ADAMTSL3: variants seen among roughly 807,000 people sequenced by gnomAD.
The protein encoded by ADAMTSL3 is ADAMTS like 3, also known as ADAMTS-like protein 3.
In ADAMTSL3, 128 loss-of-function variants were observed where a neutral mutation model predicts 201.7. That is an observed-to-expected ratio of 0.63 (90% CI 0.55 to 0.73). ADAMTSL3 has a LOEUF of 0.73. Among genes scored for constraint, ADAMTSL3 ranks in the 30% least tolerant of loss-of-function variants. The pLI, the probability that ADAMTSL3 is intolerant of heterozygous loss-of-function variation, is 0.00. For missense variants in ADAMTSL3, 1,990 were observed against 2,119.6 expected, an observed-to-expected ratio of 0.94 and a Z score of 1.20; for synonymous variants, 738 against 748.4, an observed-to-expected ratio of 0.99 and a Z score of 0.23.
intron 9 of ADAMTSL3, among the ~76,000 whole-genome samples, chr15:83,881,879 C>T (rs756206894): frequency 1.1e-3 from 167 of 150,442 alleles, no homozygotes; most frequent in Middle Eastern, 3.5e-3. Context: ...AAAGGCCGGG[C>T]GCGATGGCTC....
intron 4 of ADAMTSL3, among the ~76,000 whole-genome samples, chr15:83,801,631 T>TATATAA (rs1455960444): frequency 9.2e-5 from 3 of 32,756 alleles, no homozygotes; most frequent in South Asian, 2.5e-3. Flanking sequence ...AAATTTTATA[T>TATATAA]ATATAAATAT....
chr15:83,903,893 G>C lies in ADAMTSL3; in HGVS notation c.1700+4162G>C, dbSNP rs145058281. Among the ~76,000 whole-genome samples, 570 of 129,506 alleles carry C rather than the reference G, an allele frequency of 4.4e-3. 39 individuals carry two copies. Among genetic ancestry groups the C allele is most frequent in the African/African-American group, 0.017 (538 of 30,890 alleles). The allele number at this position is 129,506 out of a possible 152,430, so 85.0% of individuals were successfully genotyped here. On this transcript the variant is annotated intron_variant, in intron 15 of 29. Transcript: ENST00000286744. ...AGATCCTGCTACTGCTCTCCAGCCT[G>C]GGTGACAGTGCCAGACTCCACATCA...
At chr15:83,714,714 C>T (rs546005176) in intron 3 of ADAMTSL3, among the ~76,000 whole-genome samples, 43 of 134,658 alleles carry the variant, frequency 3.2e-4, no homozygotes, top group African/African-American at 1.1e-3. Context: ...CCCTCCTTCC[C>T]TCTTTCTTTC....
intron 6 of ADAMTSL3, among the ~76,000 whole-genome samples, chr15:83,822,104 G>C (rs1237287941): frequency 6.8e-6 from 1 of 148,052 alleles, no homozygotes; most frequent in Admixed American, 6.6e-5. Flanking sequence ...CCTCCCGGAC[G>C]GGGCGCCTGG....
chr15:83,674,766 CATAT>C (rs377132060), intron 2 of ADAMTSL3, among the ~76,000 whole-genome samples: 3,089 of 68,286 alleles, frequency 0.045, 729 homozygotes, highest in African/African-American at 0.16. Flanking sequence ...CACATATATA[CATAT>C]ATATATATAT....
intron 3 of ADAMTSL3, among the ~76,000 whole-genome samples, chr15:83,731,295 A>T (rs982913136): frequency 3.3e-5 from 5 of 152,136 alleles, no homozygotes; most frequent in Admixed American, 1.3e-4. Flanking sequence ...GCCAACAGGT[A>T]TATAAAAAGG....
At chr15:83,691,596 C>T (rs1008016800) in intron 2 of ADAMTSL3, among the ~76,000 whole-genome samples, 1 of 152,098 alleles carries the variant, frequency 6.6e-6, no homozygotes, top group African/African-American at 2.4e-5. Flanking sequence ...AACCCAAAAC[C>T]AAGTTACATT....
At chr15:83,830,186 T>A (rs973418160) in intron 6 of ADAMTSL3, among the ~76,000 whole-genome samples, 4 of 152,152 alleles carry the variant, frequency 2.6e-5, no homozygotes, top group Non-Finnish European at 5.9e-5. Context: ...GAGCTGGGCG[T>A]GCCTGTCAAT....
At chr15:83,732,577 A>G (rs1326941318) in intron 3 of ADAMTSL3, among the ~76,000 whole-genome samples, 2 of 152,290 alleles carry the variant, frequency 1.3e-5, no homozygotes, top group East Asian at 1.9e-4. Context: ...TTTGACATTT[A>G]TTAATGAATT....
chr15:83,667,628 A>G (rs2061266942), intron 2 of ADAMTSL3, among the ~76,000 whole-genome samples: 1 of 151,282 alleles, frequency 6.6e-6, no homozygotes, highest in South Asian at 2.1e-4. Context: ...GATTTCTGTA[A>G]GGATGTCCTA....
chr15:83,811,651 A>G (rs921645221), intron 5 of ADAMTSL3, among the ~76,000 whole-genome samples: 7 of 152,132 alleles, frequency 4.6e-5, no homozygotes, highest in Non-Finnish European at 7.3e-5. Context: ...CCTCTGGGAG[A>G]ATGCGGCAGA....
chr15:83,729,445 A>T (rs1489654834), intron 3 of ADAMTSL3, among the ~76,000 whole-genome samples: 2 of 150,524 alleles, frequency 1.3e-5, no homozygotes, highest in Non-Finnish European at 3.0e-5. Flanking sequence ...GTTATTTTTT[A>T]TTTTTTTTCT....
chr15:83,819,776 G>T lies in ADAMTSL3; in HGVS notation c.364-35G>T, dbSNP rs148209946. On this transcript the variant is annotated intron_variant, in intron 5 of 29. Transcript: ENST00000286744. ...ATCTTCTCTTGGCCTCTCTCACTGG[G>T]TGATGTGCATGTGGCCTTTTCCCTC... The T allele has an allele frequency of 1.4e-3, 2,077 of 1,531,670 alleles. 28 individuals carry two copies. The African/African-American group carries it at 0.025, about 18-fold the overall frequency. 94.9% of individuals were successfully genotyped at this position (1,531,670 alleles called of 1,614,324 possible).
At chr15:84,034,360 A>G (rs975025374) in intron 28 of ADAMTSL3, among the ~76,000 whole-genome samples, 7 of 152,150 alleles carry the variant, frequency 4.6e-5, no homozygotes. Flanking sequence ...TAGAAGGAGT[A>G]GCATTAGTGG....
intron 5 of ADAMTSL3, among the ~76,000 whole-genome samples, chr15:83,819,598 C>T (rs1596263915): frequency 2.0e-5 from 3 of 150,590 alleles, no homozygotes; most frequent in East Asian, 3.9e-4. Context: ...GAGATAATCT[C>T]CTGTATAAAT....
intron 17 of ADAMTSL3, among the ~76,000 whole-genome samples, chr15:83,935,228 C>A (rs2142016332): frequency 6.6e-6 from 1 of 152,286 alleles, no homozygotes; most frequent in Admixed American, 6.5e-5. Flanking sequence ...ATATTAAATT[C>A]TCCCACTTTT....
At chr15:83,995,783 T>C (rs1304051425) in intron 23 of ADAMTSL3, among the ~76,000 whole-genome samples, 2 of 152,088 alleles carry the variant, frequency 1.3e-5, no homozygotes, top group Admixed American at 6.5e-5. Flanking sequence ...ACTGATCCTA[T>C]AATTAATATG....
chr15:83,825,974 A>C (rs2064013746), intron 6 of ADAMTSL3, among the ~76,000 whole-genome samples: 1 of 152,238 alleles, frequency 6.6e-6, no homozygotes, highest in African/African-American at 2.4e-5. Flanking sequence ...AGGTCATTTC[A>C]GTGGCAAAGT....
intron 3 of ADAMTSL3, among the ~76,000 whole-genome samples, chr15:83,714,826 C>CTTTT (rs1567093121): frequency 5.8e-5 from 6 of 103,054 alleles, no homozygotes; most frequent in African/African-American, 1.2e-4. Flanking sequence ...TTCTTTCCTT[C>CTTTT]TCTCTCTCTT....
Sources: allele counts gnomAD v4.1 joint callset (sites outside exome capture counted in the v4.1 genomes callset), GRCh38; gene constraint gnomAD v4.1.1; transcripts MANE v1.5; gene names NCBI Gene and HGNC (gene_info 2026-07-23, HGNC 2026-07-21).